Variants in LIMS1 observed in about 807,000 individuals in gnomAD.
LIMS1 encodes LIM zinc finger domain containing 1.
In LIMS1, 18 loss-of-function variants were observed where a neutral mutation model predicts 44.1. The ratio of observed to expected loss-of-function variants is 0.41; its 90% CI spans 0.28 to 0.61. The LOEUF is 0.61. Among genes scored for constraint, LIMS1 ranks in the 20% least tolerant of loss-of-function variants. LIMS1 has a pLI of 0.32. For missense variants in LIMS1, 201 were observed against 422.0 expected (o/e 0.48, Z 4.59); for synonymous variants, 93 against 149.1 (o/e 0.62, Z 2.74).
chr2:108,592,649 T>G (rs1686468891), intron 1 of LIMS1, among the ~76,000 whole-genome samples: 1 of 152,220 alleles, frequency 6.6e-6, no homozygotes, highest in Non-Finnish European at 1.5e-5. Flanking sequence ...AGCGTATACT[T>G]TTCTCACTTG....
chr2:108,553,891 T>C (rs1358715538), intron 1 of LIMS1, among the ~76,000 whole-genome samples: 2 of 152,206 alleles, frequency 1.3e-5, no homozygotes, highest in Non-Finnish European at 2.9e-5. Context: ...TCTTCTACCA[T>C]ACGGAGAACT....
At chr2:108,621,284 C>A in intron 1 of LIMS1, 2 of 1,538,550 alleles carry the variant, frequency 1.3e-6, no homozygotes, top group East Asian at 2.5e-5. Context: ...AGGGACGCTG[C>A]TTTCCCCTGG....
At chr2:108,537,862 C>G (rs1684192421) in intron 1 of LIMS1, among the ~76,000 whole-genome samples, 1 of 152,178 alleles carries the variant, frequency 6.6e-6, no homozygotes, top group South Asian at 2.1e-4. Flanking sequence ...AGCCCCTCCA[C>G]TGGGTCAGAG....
chr2:108,542,588 CT>C (rs1438696187), intron 1 of LIMS1, among the ~76,000 whole-genome samples: 1 of 152,208 alleles, frequency 6.6e-6, no homozygotes, highest in Non-Finnish European at 1.5e-5. Context: ...AGTCTCAAGG[CT>C]TTTTCTTGGC....
chr2:108,553,679 G>T (rs1046354467), intron 1 of LIMS1, among the ~76,000 whole-genome samples: 13 of 152,148 alleles, frequency 8.5e-5, no homozygotes, highest in African/African-American at 3.1e-4. Flanking sequence ...ATTCCAAATT[G>T]CAGGCTAGTA....
intron 1 of LIMS1, among the ~76,000 whole-genome samples, chr2:108,611,576 T>C (rs1687602454): frequency 6.6e-6 from 1 of 152,092 alleles, no homozygotes; most frequent in African/African-American, 2.4e-5. Context: ...AGTGTTTTGA[T>C]CAATCAAAAA....
chr2:108,659,875 A>AG (rs1272505829), intron 2 of LIMS1, 111 bp downstream of exon 2: 2 of 1,571,118 alleles, frequency 1.3e-6, no homozygotes, highest in African/African-American at 2.7e-5. Context: ...GAAAGACTGA[A>AG]GTGCCACATG....
In LIMS1 at chr2:108,637,097, ATATGTGTGTGTG is replaced by A. The variant is rs1469461344; in HGVS notation, c.33-22506_33-22495del. Among the ~76,000 whole-genome samples the A allele has an allele frequency of 7.5e-4, 99 of 132,122 alleles. 1 individual carries two copies. Among genetic ancestry groups the A allele is most frequent in the Admixed American group, 3.3e-3 (43 of 12,836 alleles). 86.7% of individuals were successfully genotyped at this position (132,122 alleles called of 152,430 possible). A position where few individuals can be genotyped will look rare whatever the true frequency, so the allele number is the denominator to read the frequency against. On this transcript the variant is annotated intron_variant, in intron 1 of 9. Transcript: ENST00000544547. ...TTTTTAAATTCAGCAAAATATACATATATGTGTGTGTGTGTGTGTGTGTGTGTGTGTGTGTGT... is the reference window on the plus strand; with the variant it reads ...TTTTTAAATTCAGCAAAATATACATATGTGTGTGTGTGTGTGTGTGTGTGT...
chr2:108,653,962 C>T (rs1194305001), intron 1 of LIMS1, among the ~76,000 whole-genome samples: 2 of 144,980 alleles, frequency 1.4e-5, no homozygotes, highest in Non-Finnish European at 3.0e-5. Context: ...TACATTTTTA[C>T]GTGAACAATA....
chr2:108,671,950 C>T (rs371176623), intron 3 of LIMS1, among the ~76,000 whole-genome samples: 4 of 152,128 alleles, frequency 2.6e-5, no homozygotes, highest in African/African-American at 7.2e-5. Context: ...GAGGCCAAGA[C>T]GGGCGGATCA....
In LIMS1 at chr2:108,559,627, C is replaced by T. The variant is rs1294368839; in HGVS notation, c.32+25033C>T. ...TTCTTCACATTTAAAAGACATTTTT[C>T]TATTACCCTCTCCCTCAAATGAAAC... On this transcript the variant is annotated intron_variant, in intron 1 of 9. Transcript: ENST00000544547. 2.6e-5 allele frequency among the ~76,000 whole-genome samples: 4 copies of T among 152,276 alleles called. No homozygotes were observed. In the South Asian group the frequency reaches 8.3e-4, roughly 32 times the overall value.
At chr2:108,642,563 G>A (rs1440655703) in intron 1 of LIMS1, among the ~76,000 whole-genome samples, 2 of 151,850 alleles carry the variant, frequency 1.3e-5, no homozygotes, top group Non-Finnish European at 2.9e-5. Context: ...GTTTCACCGT[G>A]TTAGCCAGGA....
At chr2:108,672,522 G>A in intron 4 of LIMS1, 77 bp downstream of exon 4, 4 of 411,126 alleles carry the variant, frequency 9.7e-6, no homozygotes, top group South Asian at 4.5e-5. Flanking sequence ...CTCCATGTGG[G>A]ATGTAAGGCA....
At position 108,587,238 on chromosome 2, in the gene LIMS1, C is replaced by T. The variant is rs568249164; in HGVS notation, c.32+52644C>T. Among the ~76,000 whole-genome samples the T allele has an allele frequency of 3.2e-4, 48 of 150,234 alleles. 2 individuals carry two copies. In the South Asian group the frequency reaches 9.7e-3, roughly 30 times the overall value. The stretch of plus-strand genomic sequence containing the variant: ...CACCAGCTCTAAGAGTGGCTAGTAC[C>T]CAGTCTCAGTGTTGGATAACAAGCA... On this transcript the variant is annotated intron_variant, in intron 1 of 9. Coordinates refer to ENST00000544547, the Ensembl canonical transcript of LIMS1.
chr2:108,650,408 C>CTT (rs1196739908), intron 1 of LIMS1, among the ~76,000 whole-genome samples: 3 of 147,610 alleles, frequency 2.0e-5, no homozygotes, highest in Non-Finnish European at 3.0e-5. Flanking sequence ...ACTTTCTTTT[C>CTT]TTTTCTTTTT....
chr2:108,644,599 G>T (rs1573537608), intron 1 of LIMS1, among the ~76,000 whole-genome samples: 1 of 152,046 alleles, frequency 6.6e-6, no homozygotes, highest in Non-Finnish European at 1.5e-5. Context: ...TCCTCCAAAG[G>T]ATCACAACTC....
intron 1 of LIMS1, among the ~76,000 whole-genome samples, chr2:108,562,342 G>T (rs1685153228): frequency 6.6e-6 from 1 of 152,188 alleles, no homozygotes; most frequent in Admixed American, 6.5e-5. Flanking sequence ...AGTGAGGAAG[G>T]CATGTTGAAA....
At chr2:108,641,166 T>C (rs1419663601) in intron 1 of LIMS1, among the ~76,000 whole-genome samples, 1 of 152,204 alleles carries the variant, frequency 6.6e-6, no homozygotes. Context: ...GTATTTTAGA[T>C]GATTTTAAGA....
chr2:108,544,846 T>C (rs1684432973), intron 1 of LIMS1, among the ~76,000 whole-genome samples: 1 of 152,184 alleles, frequency 6.6e-6, no homozygotes, highest in Admixed American at 6.5e-5. Context: ...GGCCAATCTT[T>C]TTTCACTCTT....
Sources: gnomAD v4.1 joint callset for allele counts (sites outside exome capture counted in the v4.1 genomes callset) on GRCh38, gnomAD v4.1.1 for gene constraint, MANE v1.5 for transcripts, NCBI Gene and HGNC (gene_info 2026-07-23, HGNC 2026-07-21) for gene names.